The following SKAP1 variants were observed in gnomAD, a reference collection of about 807,000 sequenced individuals.
SKAP1 encodes the protein src kinase-associated phosphoprotein 1.
Under a neutral mutation model 58.5 loss-of-function variants are expected in SKAP1, and 44 were observed. That is an observed-to-expected ratio of 0.75 (90% CI 0.59 to 0.97). SKAP1 has a LOEUF of 0.97. Among genes scored for constraint, SKAP1 ranks in the 50% least tolerant of loss-of-function variants. The probability of loss-of-function intolerance (pLI) is 0.00; values close to 1 mark genes in which losing one functional copy is unlikely to be tolerated. For synonymous variants in SKAP1, 127 were observed against 149.7 expected, an observed-to-expected ratio of 0.85 and a Z score of 1.11; for missense variants, 390 against 435.2, an observed-to-expected ratio of 0.90 and a Z score of 0.92.
intron 1 of SKAP1, among the ~76,000 whole-genome samples, chr17:48,421,354 G>A (rs2144611706): frequency 6.8e-6 from 1 of 146,862 alleles, no homozygotes; most frequent in African/African-American, 2.5e-5. Context: ...AGGCTGGAGT[G>A]CAACGGCACG....
chr17:48,311,947 T>C (rs2066229358), intron 4 of SKAP1, among the ~76,000 whole-genome samples: 1 of 152,174 alleles, frequency 6.6e-6, no homozygotes, highest in African/African-American at 2.4e-5. Flanking sequence ...AAAATATGGG[T>C]AGGATTTCAT....
At chr17:48,145,325 A>G (rs901728787) in intron 11 of SKAP1, among the ~76,000 whole-genome samples, 43 of 152,288 alleles carry the variant, frequency 2.8e-4, no homozygotes, top group Admixed American at 2.1e-3. Flanking sequence ...GTGAACCTGA[A>G]ATAGACGCAG....
At chr17:48,359,167 A>G (rs2066908230) in intron 3 of SKAP1, among the ~76,000 whole-genome samples, 1 of 152,182 alleles carries the variant, frequency 6.6e-6, no homozygotes, top group African/African-American at 2.4e-5. Flanking sequence ...GTATAAAAGT[A>G]GACAAAACAG....
rs557602368 is a variant in SKAP1 at position 48,252,910 on chromosome 17, A to T, written c.281-63410T>A. Among the ~76,000 whole-genome samples the T allele has an allele frequency of 7.0e-4, 107 of 152,230 alleles. 3 individuals are homozygous for T. In the South Asian group the frequency reaches 0.022, roughly 31 times the overall value. On this transcript the variant is annotated intron_variant, in intron 4 of 12. Transcript: ENST00000336915. ...TTTATTGCTGGAGTAGATGCTATAGAACTTCTCTCGGGTTTAATGGCATAG... is the reference window on the plus strand; with the variant it reads ...TTTATTGCTGGAGTAGATGCTATAGTACTTCTCTCGGGTTTAATGGCATAG...
At chr17:48,383,865 C>T (rs933733391) in intron 2 of SKAP1, among the ~76,000 whole-genome samples, 29 of 151,684 alleles carry the variant, frequency 1.9e-4, no homozygotes, top group East Asian at 3.9e-4. Context: ...TACAGGCGCC[C>T]GCCATCATCA....
intron 4 of SKAP1, among the ~76,000 whole-genome samples, chr17:48,327,342 T>G (rs1447461364): frequency 1.3e-5 from 2 of 152,218 alleles, no homozygotes; most frequent in Non-Finnish European, 2.9e-5. Context: ...AATGGAACAT[T>G]CTGTCAGTTT....
At chr17:48,419,943 ACTCTATTCCTGAGCTCAGATCTGTC>A (rs2067775509) in intron 1 of SKAP1, among the ~76,000 whole-genome samples, 1 of 152,176 alleles carries the variant, frequency 6.6e-6, no homozygotes, top group Non-Finnish European at 1.5e-5. Context: ...TGGTAAGACC[ACTCTATTCCTGAGCTCAGATCTGTC>A]CTATCTTCCA....
At chr17:48,379,050 AAAAG>A (rs2067183308) in intron 2 of SKAP1, among the ~76,000 whole-genome samples, 1 of 152,196 alleles carries the variant, frequency 6.6e-6, no homozygotes, top group Non-Finnish European at 1.5e-5. Context: ...AAGAGGGGAA[AAAAG>A]AAAGAAAATC....
intron 4 of SKAP1, among the ~76,000 whole-genome samples, chr17:48,345,478 T>G (rs1402781984): frequency 1.3e-5 from 2 of 152,286 alleles, no homozygotes; most frequent in East Asian, 3.9e-4. Context: ...TATACTATGA[T>G]GAGCTCAAGG....
At chr17:48,330,091 G>A (rs187947977) in intron 4 of SKAP1, among the ~76,000 whole-genome samples, 179 of 152,270 alleles carry the variant, frequency 1.2e-3, no homozygotes, top group African/African-American at 4.2e-3. Context: ...ATGAAGGCCA[G>A]GCTAATAAAT....
At chr17:48,226,759 G>T (rs945226755) in intron 4 of SKAP1, among the ~76,000 whole-genome samples, 1 of 152,058 alleles carries the variant, frequency 6.6e-6, no homozygotes, top group African/African-American at 2.4e-5. Flanking sequence ...CTTGATTTTG[G>T]TGGTTTTGAT....
intron 4 of SKAP1, among the ~76,000 whole-genome samples, chr17:48,322,672 T>C (rs1016487036): frequency 6.6e-6 from 1 of 152,196 alleles, no homozygotes; most frequent in African/African-American, 2.4e-5. Context: ...GGAGAGACAG[T>C]TCTTCTAGTG....
chr17:48,182,705 C>T (rs1188557529), intron 7 of SKAP1, among the ~76,000 whole-genome samples: 1 of 152,210 alleles, frequency 6.6e-6, no homozygotes, highest in Non-Finnish European at 1.5e-5. Context: ...TGCATTCTTT[C>T]ATTTGATTAT....
At chr17:48,437,915 C>T in the SKAP1 span, among the ~76,000 whole-genome samples, 5 of 152,062 alleles carry the variant, frequency 3.3e-5, no homozygotes, top group South Asian at 8.3e-4. Context: ...ACCCTCCTTG[C>T]GTCCTTAATG....
the SKAP1 span, among the ~76,000 whole-genome samples, chr17:48,440,263 C>A: frequency 6.6e-6 from 1 of 152,158 alleles, no homozygotes. Context: ...GGTCCTGGCC[C>A]TACATAGGCT....
intron 4 of SKAP1, among the ~76,000 whole-genome samples, chr17:48,248,222 A>ATTC (rs1370137157): frequency 6.6e-6 from 1 of 152,168 alleles, no homozygotes; most frequent in Non-Finnish European, 1.5e-5. Context: ...ACTTTTGCCA[A>ATTC]TTCTTCACCA....
chr17:48,319,059 G>A (rs1467178694), intron 4 of SKAP1, among the ~76,000 whole-genome samples: 1 of 152,142 alleles, frequency 6.6e-6, no homozygotes. Flanking sequence ...GGCTTTATGA[G>A]GATGGTTTTC....
intron 2 of SKAP1, among the ~76,000 whole-genome samples, chr17:48,366,731 C>T (rs2067008038): frequency 1.3e-5 from 2 of 152,176 alleles, no homozygotes; most frequent in Admixed American, 1.3e-4. Flanking sequence ...TTTCCATCTA[C>T]TCTTGCTATT....
chr17:48,198,085 T>G lies in SKAP1; in HGVS notation c.281-8585A>C, dbSNP rs78970604. On this transcript the variant is annotated intron_variant, in intron 4 of 12. Coordinates refer to ENST00000336915, the MANE Select transcript of SKAP1 (RefSeq NM_003726.4). ...AGAATGACTAACTGTAATAATCCAT[T>G]GCTTCTCAATCGTGAAACATTGGTA... Among the ~76,000 whole-genome samples the G allele has an allele frequency of 7.7e-3, 1,167 of 152,322 alleles. 50 individuals carry two copies. Among genetic ancestry groups the G allele is most frequent in the Admixed American group, 0.068 (1,045 of 15,294 alleles).
Sources: allele counts gnomAD v4.1 joint callset (sites outside exome capture counted in the v4.1 genomes callset), GRCh38; gene constraint gnomAD v4.1.1; transcripts MANE v1.5; gene names NCBI Gene and HGNC (gene_info 2026-07-23, HGNC 2026-07-21).